The following CDH13 variants were observed in gnomAD, a reference collection of about 807,000 sequenced individuals.
CDH13 encodes the protein cadherin 13, also known as cadherin-13.
A neutral mutation model predicts 63.8 loss-of-function variants in CDH13; 24 were observed. The observed-to-expected ratio is 0.38, with a 90% CI of 0.27 to 0.53. The LOEUF is 0.53. CDH13 is among the 20% of genes least tolerant of loss of function. The probability of loss-of-function intolerance (pLI) is 0.85; values close to 1 mark genes in which losing one functional copy is unlikely to be tolerated. For missense variants in CDH13, 1,049 were observed against 903.1 expected, an observed-to-expected ratio of 1.16 and a Z score of -2.07; for synonymous variants, 503 against 355.3, an observed-to-expected ratio of 1.42 and a Z score of -4.67.
At chr16:83,046,927 C>G (rs1353143876) in intron 3 of CDH13, among the ~76,000 whole-genome samples, 2 of 152,172 alleles carry the variant, frequency 1.3e-5, no homozygotes, top group Non-Finnish European at 1.5e-5. Context: ...AGGGCTTTCC[C>G]TTTCCCCGAT....
intron 4 of CDH13, chr16:83,171,478 A>T: frequency 2.7e-6 from 4 of 1,478,654 alleles, no homozygotes; most frequent in Non-Finnish European, 3.7e-6. Flanking sequence ...TAGGTTACTC[A>T]TTCTATGAAA....
chr16:82,762,099 G>T (rs1342193394), intron 1 of CDH13, among the ~76,000 whole-genome samples: 1 of 152,150 alleles, frequency 6.6e-6, no homozygotes, highest in African/African-American at 2.4e-5. Flanking sequence ...AAGCAGCTAG[G>T]CAAGAGAGAG....
At chr16:82,795,435 G>A (rs1460373896) in intron 1 of CDH13, among the ~76,000 whole-genome samples, 5 of 152,116 alleles carry the variant, frequency 3.3e-5, no homozygotes, top group Admixed American at 6.5e-5. Flanking sequence ...CGGAGGGGTC[G>A]GGGAACCTCA....
chr16:82,889,704 C>G (rs1297801529), intron 2 of CDH13, among the ~76,000 whole-genome samples: 1 of 152,130 alleles, frequency 6.6e-6, no homozygotes, highest in Non-Finnish European at 1.5e-5. Context: ...ACAGAGTTGG[C>G]TCTGTCTATG....
intron 3 of CDH13, among the ~76,000 whole-genome samples, chr16:83,087,455 G>A (rs956814235): frequency 2.0e-5 from 3 of 151,966 alleles, no homozygotes; most frequent in Admixed American, 6.6e-5. Context: ...AGATCACGAG[G>A]TCAGGAGTTC....
At chr16:83,441,310 G>T (rs551322752) in intron 6 of CDH13, among the ~76,000 whole-genome samples, 1 of 152,258 alleles carries the variant, frequency 6.6e-6, no homozygotes, top group South Asian at 2.1e-4. Flanking sequence ...CCATTTGAAA[G>T]ATGACAATTC....
At chr16:83,527,754 C>G (rs567179363) in intron 7 of CDH13, among the ~76,000 whole-genome samples, 49 of 152,276 alleles carry the variant, frequency 3.2e-4, no homozygotes, top group African/African-American at 1.2e-3. Flanking sequence ...CCTATAAATG[C>G]CAGCACCTAT....
chr16:82,905,275 C>G (rs747635388), intron 2 of CDH13, among the ~76,000 whole-genome samples: 1 of 152,186 alleles, frequency 6.6e-6, no homozygotes, highest in Non-Finnish European at 1.5e-5. Flanking sequence ...AGAGGTTAAG[C>G]AACTTGCTCA....
At chr16:83,232,544 ACAAAC>A (rs1158839676) in intron 5 of CDH13, among the ~76,000 whole-genome samples, 9 of 115,310 alleles carry the variant, frequency 7.8e-5, no homozygotes, top group Non-Finnish European at 1.2e-4. Context: ...AACAACAACA[ACAAAC>A]AAACAAAAAA....
intron 11 of CDH13, among the ~76,000 whole-genome samples, chr16:83,749,967 A>C (rs1362470296): frequency 1.3e-5 from 2 of 152,108 alleles, no homozygotes. Flanking sequence ...GGTTAGCCTT[A>C]AGTTTCGTTT....
chr16:83,759,806 T>G (rs1913811158), intron 11 of CDH13, among the ~76,000 whole-genome samples: 1 of 152,046 alleles, frequency 6.6e-6, no homozygotes, highest in Non-Finnish European at 1.5e-5. Context: ...CACACACCTG[T>G]GGTCCCAGCT....
At chr16:83,296,286 G>A (rs1224873042) in intron 5 of CDH13, among the ~76,000 whole-genome samples, 2 of 152,144 alleles carry the variant, frequency 1.3e-5, no homozygotes, top group African/African-American at 4.8e-5. Flanking sequence ...TTTTACAGAT[G>A]AGAAAATTGA....
chr16:82,816,102 A>C (rs28478950), intron 1 of CDH13, among the ~76,000 whole-genome samples: 71,760 of 151,934 alleles, frequency 0.47, 19,001 homozygotes, highest in East Asian at 0.92. Context: ...GAGCCTTGCA[A>C]ACAAGCTAAG....
At chr16:82,865,438 A>G (rs940630851) in intron 2 of CDH13, among the ~76,000 whole-genome samples, 10 of 152,220 alleles carry the variant, frequency 6.6e-5, no homozygotes. Flanking sequence ...CCACACCTCA[A>G]TTCTTGACTT....
chr16:83,391,144 A>G (rs2091777892), intron 6 of CDH13, among the ~76,000 whole-genome samples: 1 of 151,846 alleles, frequency 6.6e-6, no homozygotes, highest in Non-Finnish European at 1.5e-5. Context: ...GAGGCCAATA[A>G]GTATCTGCCA....
At chr16:83,748,452 G>A (rs1379039346) in intron 11 of CDH13, among the ~76,000 whole-genome samples, 3 of 152,200 alleles carry the variant, frequency 2.0e-5, no homozygotes. Context: ...TTTTTGGAAA[G>A]TGAATAATGT....
At chr16:82,820,577 G>T (rs980370254) in intron 1 of CDH13, among the ~76,000 whole-genome samples, 2 of 152,268 alleles carry the variant, frequency 1.3e-5, no homozygotes, top group African/African-American at 2.4e-5. Context: ...GCTATGGAAA[G>T]AAACCATTCA....
chr16:83,794,305 C>A (rs1461690377), intron 13 of CDH13, among the ~76,000 whole-genome samples: 1 of 152,338 alleles, frequency 6.6e-6, no homozygotes. Context: ...TAACCCCCAG[C>A]ACTTTGGGAG....
At chr16:83,465,976 C>A (rs781213124) in intron 6 of CDH13, among the ~76,000 whole-genome samples, 9 of 152,284 alleles carry the variant, frequency 5.9e-5, no homozygotes, top group Middle Eastern at 3.4e-3. Flanking sequence ...CCTTCCTCTA[C>A]AGGGAGGAGA....
Sources: allele counts gnomAD v4.1 joint callset (sites outside exome capture counted in the v4.1 genomes callset), GRCh38; gene constraint gnomAD v4.1.1; transcripts MANE v1.5; gene names NCBI Gene and HGNC (gene_info 2026-07-23, HGNC 2026-07-21).